Variants in MTR observed in about 807,000 individuals in gnomAD.
MTR encodes 5-methyltetrahydrofolate-homocysteine methyltransferase.
Under a neutral mutation model 154.8 loss-of-function variants are expected in MTR, and 84 were observed. The observed-to-expected ratio is 0.54, with a 90% CI of 0.45 to 0.65. The LOEUF is 0.65. MTR is among the 30% of genes least tolerant of loss of function. MTR has a pLI of 0.00. For synonymous variants in MTR, 554 were observed against 553.9 expected, an observed-to-expected ratio of 1.00 and a Z score of 0.00; for missense variants, 1,275 against 1,570.2, an observed-to-expected ratio of 0.81 and a Z score of 3.18.
intron 8 of MTR, among the ~76,000 whole-genome samples, 196 bp downstream of exon 8, chr1:236,816,739 G>A (rs1661617957): frequency 6.6e-6 from 1 of 152,182 alleles, no homozygotes; most frequent in South Asian, 2.1e-4. Context: ...GTCAATTTGA[G>A]GGACTGGGAG....
chr1:236,850,639 T>TA (rs1663843610), intron 16 of MTR, 116 bp downstream of exon 16: 2 of 1,044,070 alleles, frequency 1.9e-6, no homozygotes, highest in African/African-American at 1.6e-5. Context: ...CATTCTTAGT[T>TA]AGTAAATTGT....
At chr1:236,854,598 A>G (rs950757122) in intron 18 of MTR, among the ~76,000 whole-genome samples, 4 of 152,182 alleles carry the variant, frequency 2.6e-5, no homozygotes, top group African/African-American at 4.8e-5. Flanking sequence ...AAGGGGCATC[A>G]TAGCCTCTAT....
intron 18 of MTR, among the ~76,000 whole-genome samples, chr1:236,859,557 T>C (rs1365612383): frequency 6.6e-6 from 1 of 152,174 alleles, no homozygotes; most frequent in African/African-American, 2.4e-5. Context: ...GGAAATTTTG[T>C]GTTGAGTTGT....
At chr1:236,803,703 A>G in intron 2 of MTR, 61 bp downstream of exon 2, 1 of 1,510,924 alleles carries the variant, frequency 6.6e-7, no homozygotes, top group Non-Finnish European at 9.2e-7. Flanking sequence ...TGTTTCATGT[A>G]TCAGGGCAGG....
chr1:236,897,126 A>G lies in MTR; in HGVS notation c.3711+8A>G. ...AAGATTTCCAAGGATCAGGTAAGCT[A>G]GCTGTTGCATTATATGTGGCTTGCC... On this transcript the variant is annotated splice_region_variant and intron_variant, in intron 32 of 32. Transcript: ENST00000366577. The G allele has an allele frequency of 1.3e-6, 2 of 1,592,668 alleles. No homozygotes were observed. The highest frequency in any genetic ancestry group is 1.7e-4 in the Middle Eastern group (1 of 6,014).
At chr1:236,831,026 C>T (rs935513821) in intron 12 of MTR, among the ~76,000 whole-genome samples, 4 of 152,148 alleles carry the variant, frequency 2.6e-5, no homozygotes, top group African/African-American at 9.7e-5. Flanking sequence ...TATTCAGTTT[C>T]ATTTTTACAA....
chr1:236,875,214 T>A (rs900396610), intron 24 of MTR, among the ~76,000 whole-genome samples: 2 of 152,240 alleles, frequency 1.3e-5, no homozygotes, highest in Non-Finnish European at 2.9e-5. Context: ...CTTGAACTTT[T>A]GCCCACTCTG....
intron 32 of MTR, among the ~76,000 whole-genome samples, chr1:236,897,343 C>CACACACACACACACACACACACACACAT (rs1366033407): frequency 7.2e-6 from 1 of 139,854 alleles, no homozygotes; most frequent in Non-Finnish European, 1.5e-5. Flanking sequence ...CACACACACA[C>CACACACACACACACACACACACACACAT]ATACAGCTTC....
In MTR at chr1:236,795,592, C is replaced by A; in HGVS notation, c.-112C>A. The A allele has an allele frequency of 6.3e-7, 1 of 1,594,580 alleles. No homozygotes were observed. The highest frequency in any genetic ancestry group is 8.5e-7 in the Non-Finnish European group (1 of 1,174,468). ...AACGGGAGGCGTCAAAAGACCCGGG[C>A]CTTGTGTGGCAGGCTCGCCTGGCGC... is the stretch of plus-strand genomic sequence containing the variant. On this transcript the variant is annotated 5_prime_UTR_variant, in exon 1 of 33. Coordinates refer to ENST00000366577, the MANE Select transcript of MTR (RefSeq NM_000254.3).
At chr1:236,843,549 C>T (rs1359763341) in intron 15 of MTR, among the ~76,000 whole-genome samples, 1 of 152,180 alleles carries the variant, frequency 6.6e-6, no homozygotes, top group East Asian at 1.9e-4. Flanking sequence ...GTTTAAACCT[C>T]TCTGGTTCTT....
At position 236,895,528 on chromosome 1, in the gene MTR, C is replaced by G. The variant is rs1131449; in HGVS notation, c.3576C>G (p.Leu1192=). The G allele has an allele frequency of 1.9e-6, 3 of 1,580,836 alleles. No individual in the cohort carries two copies. The highest frequency in any genetic ancestry group is 2.6e-6 in the Non-Finnish European group (3 of 1,162,138). ...DHTEKLTMWR[L]ADIEQSTGIR... ...CCGAGAAGCTCACCATGTGGAGACT[C>G]GCAGACATCGAGCAGTCTACAGGTA... The change falls in exon 31 of 33, where the codon CTC becomes CTG. Residue 1192 remains leucine (L), a synonymous_variant. Coordinates refer to ENST00000366577, the MANE Select transcript of MTR (RefSeq NM_000254.3).
intron 12 of MTR, among the ~76,000 whole-genome samples, chr1:236,829,993 CT>C (rs1435132688): frequency 1.3e-5 from 2 of 152,150 alleles, no homozygotes; most frequent in African/African-American, 4.8e-5. Flanking sequence ...TCCCTAATAG[CT>C]TAGAATTTAA....
At chr1:236,796,795 T>A (rs556699220) in intron 1 of MTR, among the ~76,000 whole-genome samples, 5,979 of 80,882 alleles carry the variant, frequency 0.074, 379 homozygotes, top group African/African-American at 0.28. Context: ...AATATTTAAT[T>A]AATAAATGTA....
intron 27 of MTR, 149 bp downstream of exon 27, chr1:236,886,516 A>C: frequency 1.3e-6 from 1 of 749,922 alleles, no homozygotes; most frequent in South Asian, 1.6e-5. Flanking sequence ...ATGACTGGAA[A>C]GAAAGGGAAT....
chr1:236,888,164 C>T (rs575240262), intron 27 of MTR, among the ~76,000 whole-genome samples: 28 of 152,296 alleles, frequency 1.8e-4, no homozygotes, highest in Middle Eastern at 3.4e-3. Context: ...TCTCCCAGAG[C>T]CCCTGAGATT....
intron 28 of MTR, among the ~76,000 whole-genome samples, chr1:236,890,580 G>C (rs1264613939): frequency 6.6e-6 from 1 of 152,224 alleles, no homozygotes; most frequent in Non-Finnish European, 1.5e-5. Context: ...TACCGAGTCT[G>C]AGTGCATAGG....
At chr1:236,869,536 A>G (rs1179333990) in intron 22 of MTR, among the ~76,000 whole-genome samples, 3 of 152,204 alleles carry the variant, frequency 2.0e-5, no homozygotes, top group Non-Finnish European at 4.4e-5. Flanking sequence ...TGTAAAATCA[A>G]CAACTTCCGT....
intron 27 of MTR, among the ~76,000 whole-genome samples, 173 bp from the exon 28 acceptor site, chr1:236,889,008 A>T (rs1666171801): frequency 6.6e-6 from 1 of 152,176 alleles, no homozygotes; most frequent in Admixed American, 6.5e-5. Context: ...CTCAGTGCAG[A>T]ATTACTCCTT....
At chr1:236,852,766 G>A (rs1663984177) in intron 17 of MTR, 129 bp downstream of exon 17, 1 of 1,078,876 alleles carries the variant, frequency 9.3e-7, no homozygotes, top group Non-Finnish European at 1.4e-6. Flanking sequence ...TTGGGATAGA[G>A]CCACACCTAT....
Sources: allele counts gnomAD v4.1 joint callset (sites outside exome capture counted in the v4.1 genomes callset), GRCh38; gene constraint gnomAD v4.1.1; transcripts MANE v1.5; gene names NCBI Gene and HGNC (gene_info 2026-07-23, HGNC 2026-07-21).